Variants in ACAT1 observed in about 807,000 individuals in gnomAD.
ACAT1 encodes the protein acetyl-CoA acetyltransferase 1, also known as acetyl-CoA acetyltransferase, mitochondrial.
A neutral mutation model predicts 47.3 loss-of-function variants in ACAT1; 28 were observed. The observed-to-expected ratio is 0.59, with a 90% CI of 0.44 to 0.81. The LOEUF (loss-of-function observed/expected upper bound fraction) is 0.81. Ranked by LOEUF, ACAT1 falls within the 30% of genes least tolerant of loss-of-function variation. The probability of loss-of-function intolerance (pLI) is 0.00; values close to 1 mark genes in which losing one functional copy is unlikely to be tolerated. For synonymous variants in ACAT1, 181 were observed against 173.6 expected (o/e 1.04, Z -0.34); for missense variants, 469 against 524.3 (o/e 0.89, Z 1.03).
At position 108,131,800 on chromosome 11, in the gene ACAT1, A is replaced by G. The variant is rs2077364960; in HGVS notation, c.73-107A>G. ...TGACCACAAAAAACTTGGAAATAAA[A>G]GCATAAGGATGCAGGAAGAAACCAC... On this transcript the variant is annotated intron_variant, in intron 1 of 11. Transcript: ENST00000265838. The G allele has an allele frequency of 6.8e-6, 3 of 439,152 alleles. No homozygotes were observed. The Admixed American group carries it at 1.3e-4, about 19-fold the overall frequency. 27.2% of individuals were successfully genotyped at this position (439,152 alleles called of 1,614,324 possible).
At chr11:108,123,053 C>T (rs1259529477) in intron 1 of ACAT1, among the ~76,000 whole-genome samples, 1 of 144,882 alleles carries the variant, frequency 6.9e-6, no homozygotes, top group Non-Finnish European at 1.5e-5. Flanking sequence ...GGTGAAGCCC[C>T]ACCTCTATTA....
At chr11:108,125,390 G>A (rs2077229004) in intron 1 of ACAT1, among the ~76,000 whole-genome samples, 1 of 152,190 alleles carries the variant, frequency 6.6e-6, no homozygotes, top group Non-Finnish European at 1.5e-5. Flanking sequence ...TATTGAAGGA[G>A]CGCTAGGCAC....
At chr11:108,119,494 C>T (rs575758804), upstream of ACAT1, among the ~76,000 whole-genome samples, 11 of 152,306 alleles carry the variant, frequency 7.2e-5, no homozygotes, top group East Asian at 1.9e-4. Flanking sequence ...TGAGCGACCA[C>T]GCCCAGCCTA....
At position 108,143,954 on chromosome 11, in the gene ACAT1, ACAAC is replaced by A. The variant is rs762331682; in HGVS notation, c.941-27_941-24del. The A allele has an allele frequency of 3.9e-6, 4 of 1,026,802 alleles. No homozygotes were observed. In the Admixed American group the frequency reaches 8.0e-5, roughly 21 times the overall value. The allele number at this position is 1,026,802 out of a possible 1,614,324, so 63.6% of individuals were successfully genotyped here. A position where few individuals can be genotyped will look rare whatever the true frequency, so the allele number is the denominator to read the frequency against. Reference sequence around the variant, plus strand: ...ATACAGTAAAAAAAAAAAGATTTTAACAACCCCCCCCCCCCTTTTTTTAAACAGC... The same window carrying A: ...ATACAGTAAAAAAAAAAAGATTTTAACCCCCCCCCCCTTTTTTTAAACAGC... On this transcript the variant is annotated intron_variant, in intron 9 of 11. Coordinates refer to ENST00000265838, the MANE Select transcript of ACAT1 (RefSeq NM_000019.4).
upstream of ACAT1, among the ~76,000 whole-genome samples, chr11:108,118,392 T>G (rs1390701355): frequency 6.6e-6 from 1 of 152,170 alleles, no homozygotes; most frequent in Non-Finnish European, 1.5e-5. Context: ...TTTTTTTTTT[T>G]GAGACGGAGT....
At chr11:108,139,395 G>A (rs910573928) in intron 6 of ACAT1, among the ~76,000 whole-genome samples, 8 of 151,874 alleles carry the variant, frequency 5.3e-5, no homozygotes, top group South Asian at 2.1e-4. Context: ...GTTTGAGACC[G>A]GCTTGGCCAA....
intron 11 of ACAT1, among the ~76,000 whole-genome samples, chr11:108,147,057 C>A (rs571001660): frequency 6.6e-6 from 1 of 152,082 alleles, no homozygotes; most frequent in Non-Finnish European, 1.5e-5. Context: ...TCCAGCCTGG[C>A]GACAGAGCGA....
intron 11 of ACAT1, 138 bp downstream of exon 11, chr11:108,146,497 T>C (rs901284915): frequency 1.1e-6 from 1 of 871,612 alleles, no homozygotes; most frequent in Non-Finnish European, 1.8e-6. Context: ...CCATTTCTGA[T>C]AGATGGTATC....
chr11:108,121,425 C>A, upstream of ACAT1: 3 of 685,988 alleles, frequency 4.4e-6, no homozygotes, highest in South Asian at 1.7e-5. Context: ...CTGGCCCAGG[C>A]TGCGGTGTCC....
intron 2 of ACAT1, among the ~76,000 whole-genome samples, chr11:108,133,244 C>G (rs1162252297): frequency 6.6e-6 from 1 of 151,956 alleles, no homozygotes; most frequent in Non-Finnish European, 1.5e-5. Context: ...GTGGTATTGC[C>G]CCACCTAGGA....
intron 9 of ACAT1, chr11:108,142,779 GTGAAC>G (rs1325056181): frequency 5.9e-6 from 3 of 510,160 alleles, no homozygotes; most frequent in Non-Finnish European, 1.1e-5. Flanking sequence ...TGAGGTTGCA[GTGAAC>G]TGAGATTGTA....
chr11:108,120,112 G>T (rs999886434), upstream of ACAT1, among the ~76,000 whole-genome samples: 1 of 151,972 alleles, frequency 6.6e-6, no homozygotes, highest in Non-Finnish European at 1.5e-5. Context: ...CCAGCTACTC[G>T]TGAGGCTGAG....
intron 8 of ACAT1, 113 bp downstream of exon 8, chr11:108,141,813 A>G (rs1470849012): frequency 9.4e-6 from 7 of 741,614 alleles, no homozygotes; most frequent in Non-Finnish European, 1.4e-5. Flanking sequence ...ATGTTATTTA[A>G]CATTTTCAGT....
intron 1 of ACAT1, chr11:108,122,037 T>C: frequency 2.7e-6 from 1 of 365,102 alleles, no homozygotes; most frequent in Non-Finnish European, 5.0e-6. Context: ...GTGCAGCTGC[T>C]CCCGAGATTT....
In ACAT1 at chr11:108,126,517, A is replaced by T. The variant is rs184469081; in HGVS notation, c.72+4839A>T. On this transcript the variant is annotated intron_variant, in intron 1 of 11. Coordinates refer to ENST00000265838, the MANE Select transcript of ACAT1 (RefSeq NM_000019.4). ...GAAAAGCTGTTAAATTATTTTAAGC[A>T]GTAGAGTGATATGATCTGATTTACA... 6.6e-5 allele frequency among the ~76,000 whole-genome samples: 10 copies of T among 152,322 alleles called. No individual in the cohort carries two copies. The East Asian group carries it at 1.9e-3, about 29-fold the overall frequency.
intron 11 of ACAT1, 85 bp from the exon 12 acceptor site, chr11:108,147,185 C>CAAG (rs1267008811): frequency 6.6e-7 from 1 of 1,523,560 alleles, no homozygotes; most frequent in Non-Finnish European, 9.0e-7. Context: ...GTAAGGTTTT[C>CAAG]AAGAAGTTAA....
At chr11:108,144,997 C>A (rs571132482) in intron 10 of ACAT1, among the ~76,000 whole-genome samples, 1 of 152,184 alleles carries the variant, frequency 6.6e-6, no homozygotes, top group South Asian at 2.1e-4. Flanking sequence ...AGAAAGCTAC[C>A]CTTAGTCCAC....
At chr11:108,147,587 CTTGGTAACCTTGAAAAGT>C in exon 12 of ACAT1, 1 of 696,924 alleles carries the variant, frequency 1.4e-6, no homozygotes. Context: ...CTGCTTTTTT[CTTGGTAACCTTGAAAAGT>C]TTGATACATT....
At chr11:108,127,264 G>A (rs2077268647) in intron 1 of ACAT1, among the ~76,000 whole-genome samples, 1 of 146,668 alleles carries the variant, frequency 6.8e-6, no homozygotes, top group Non-Finnish European at 1.5e-5. Context: ...GCACATAGAA[G>A]CCTTTTTTTT....
Sources: gnomAD v4.1 joint callset for allele counts (sites outside exome capture counted in the v4.1 genomes callset) on GRCh38, gnomAD v4.1.1 for gene constraint, MANE v1.5 for transcripts, NCBI Gene and HGNC (gene_info 2026-07-23, HGNC 2026-07-21) for gene names.